The following ERC2 variants were observed in gnomAD, a reference collection of about 807,000 sequenced individuals.
The protein encoded by ERC2 is ERC protein 2.
A neutral mutation model predicts 114.8 loss-of-function variants in ERC2; 42 were observed. That is an observed-to-expected ratio of 0.37 (90% confidence interval 0.29 to 0.47). The LOEUF (loss-of-function observed/expected upper bound fraction) is 0.47, where lower values mean the gene tolerates loss of function less well. Ranked by LOEUF, ERC2 falls within the 20% of genes least tolerant of loss-of-function variation. ERC2 has a pLI of 0.99. For missense variants in ERC2, 939 were observed against 1,150.7 expected (o/e 0.82, Z 2.66); for synonymous variants, 454 against 425.5 (o/e 1.07, Z -0.82).
At chr3:55,702,466 G>A (rs1187836435) in intron 15 of ERC2, among the ~76,000 whole-genome samples, 1 of 152,096 alleles carries the variant, frequency 6.6e-6, no homozygotes, top group East Asian at 1.9e-4. Context: ...CTAGTTGCTG[G>A]TGTTCTCTCC....
At chr3:56,355,388 A>G (rs561342287) in intron 2 of ERC2, among the ~76,000 whole-genome samples, 320 of 149,652 alleles carry the variant, frequency 2.1e-3, no homozygotes, top group African/African-American at 7.4e-3. Context: ...ACGTGATCAC[A>G]GCTCACTGCA....
At chr3:56,184,343 A>T (rs1446266338) in intron 3 of ERC2, among the ~76,000 whole-genome samples, 1 of 152,222 alleles carries the variant, frequency 6.6e-6, no homozygotes, top group East Asian at 1.9e-4. Flanking sequence ...AGCAAAGATA[A>T]ATGAAACACC....
intron 17 of ERC2, among the ~76,000 whole-genome samples, chr3:55,590,939 A>C (rs1012566046): frequency 7.9e-5 from 12 of 151,934 alleles, no homozygotes; most frequent in African/African-American, 2.9e-4. Flanking sequence ...AGCGATTCTC[A>C]TGCCTCAGCT....
intron 14 of ERC2, among the ~76,000 whole-genome samples, chr3:55,783,780 C>G (rs376871521): frequency 3.9e-5 from 6 of 152,230 alleles, no homozygotes; most frequent in Non-Finnish European, 5.9e-5. Flanking sequence ...ACGTGAGGAT[C>G]ACCAAACACC....
At chr3:55,588,893 C>T (rs1027785078) in intron 17 of ERC2, among the ~76,000 whole-genome samples, 3 of 151,968 alleles carry the variant, frequency 2.0e-5, no homozygotes, top group Non-Finnish European at 4.4e-5. Flanking sequence ...TGGGAACACT[C>T]GAGGAAGGCC....
intron 7 of ERC2, among the ~76,000 whole-genome samples, chr3:56,078,963 G>A (rs2077102269): frequency 6.6e-6 from 1 of 151,738 alleles, no homozygotes; most frequent in Non-Finnish European, 1.5e-5. Context: ...AAGACAGAGG[G>A]CAGGAATGTG....
intron 2 of ERC2, among the ~76,000 whole-genome samples, chr3:56,305,757 G>A (rs995697055): frequency 3.7e-4 from 56 of 152,224 alleles, no homozygotes; most frequent in African/African-American, 9.6e-4. Context: ...GGCAAACTAC[G>A]GCCTAAGGGC....
chr3:55,898,676 GC>G (rs1234093007), intron 13 of ERC2, among the ~76,000 whole-genome samples: 4 of 151,982 alleles, frequency 2.6e-5, no homozygotes, highest in Non-Finnish European at 5.9e-5. Flanking sequence ...TTCATTTTCA[GC>G]CTATAAGAGG....
At chr3:55,816,778 A>C (rs2059918937) in intron 14 of ERC2, among the ~76,000 whole-genome samples, 1 of 151,872 alleles carries the variant, frequency 6.6e-6, no homozygotes, top group Non-Finnish European at 1.5e-5. Flanking sequence ...AAAACAAAAA[A>C]AAACGAAAAA....
intron 17 of ERC2, among the ~76,000 whole-genome samples, chr3:55,554,424 T>C (rs553692626): frequency 2.2e-4 from 34 of 152,308 alleles, no homozygotes; most frequent in African/African-American, 7.9e-4. Flanking sequence ...CCTTCCATTT[T>C]GTCTGTTGCT....
chr3:56,078,784 G>C (rs1247298151), intron 7 of ERC2, among the ~76,000 whole-genome samples: 2 of 151,230 alleles, frequency 1.3e-5, no homozygotes, highest in Non-Finnish European at 2.9e-5. Context: ...ACATACGGGG[G>C]AAAAGTCTGC....
chr3:55,660,032 A>G (rs1355567231), intron 17 of ERC2, among the ~76,000 whole-genome samples: 2 of 152,078 alleles, frequency 1.3e-5, no homozygotes, highest in African/African-American at 2.4e-5. Context: ...TGGAAGATCT[A>G]TGAGTATGGA....
chr3:56,115,931 A>G (rs1575478185), intron 6 of ERC2, among the ~76,000 whole-genome samples: 1 of 152,110 alleles, frequency 6.6e-6, no homozygotes, highest in East Asian at 1.9e-4. Flanking sequence ...CCCAACAACT[A>G]AGGACAGCCC....
intron 2 of ERC2, among the ~76,000 whole-genome samples, chr3:56,389,142 A>T (rs570033308): frequency 6.6e-6 from 1 of 152,310 alleles, no homozygotes; most frequent in South Asian, 2.1e-4. Flanking sequence ...AGCAAAAAAT[A>T]TAAGCCAGTT....
chr3:56,423,417 A>G (rs2061455861), intron 2 of ERC2, among the ~76,000 whole-genome samples: 1 of 152,226 alleles, frequency 6.6e-6, no homozygotes, highest in Non-Finnish European at 1.5e-5. Flanking sequence ...TCTACTCACT[A>G]AATGCCAGTA....
chr3:56,046,911 G>T (rs2075495046), intron 7 of ERC2, among the ~76,000 whole-genome samples: 2 of 152,172 alleles, frequency 1.3e-5, no homozygotes, highest in South Asian at 4.1e-4. Flanking sequence ...TACAGCACAT[G>T]CAGAATTTAC....
intron 14 of ERC2, among the ~76,000 whole-genome samples, chr3:55,806,324 T>C (rs964311054): frequency 1.2e-4 from 16 of 131,454 alleles, no homozygotes; most frequent in Non-Finnish European, 2.2e-4. Flanking sequence ...GCAAAACTCC[T>C]TCTCAAAAAA....
intron 2 of ERC2, among the ~76,000 whole-genome samples, chr3:56,343,192 T>TCTCACACACA (rs1376220124): frequency 3.2e-5 from 4 of 126,130 alleles, no homozygotes; most frequent in African/African-American, 9.1e-5. Context: ...TCTCTCTCTC[T>TCTCACACACA]CACACACACA....
intron 13 of ERC2, among the ~76,000 whole-genome samples, chr3:55,892,995 A>G (rs1056196043): frequency 1.3e-5 from 2 of 152,034 alleles, no homozygotes; most frequent in South Asian, 2.1e-4. Flanking sequence ...GAGGCCTCCT[A>G]TATGGGATTA....
Sources: gnomAD v4.1 joint callset for allele counts (sites outside exome capture counted in the v4.1 genomes callset) on GRCh38, gnomAD v4.1.1 for gene constraint, MANE v1.5 for transcripts, NCBI Gene and HGNC (gene_info 2026-07-23, HGNC 2026-07-21) for gene names.